STEAP1B: variants seen among roughly 807,000 people sequenced by gnomAD.
STEAP1B encodes STEAP family member 1B.
Under a neutral mutation model 27.9 loss-of-function variants are expected in STEAP1B, and 13 were observed. The observed-to-expected ratio is 0.47, with a 90% CI of 0.30 to 0.74. STEAP1B has a LOEUF of 0.74. STEAP1B is among the 30% of genes least tolerant of loss of function. The pLI is 0.06. For synonymous variants in STEAP1B, 86 were observed against 107.1 expected (o/e 0.80, Z 1.22); for missense variants, 250 against 298.7 (o/e 0.84, Z 1.20).
intron 1 of STEAP1B, among the ~76,000 whole-genome samples, chr7:22,498,905 G>T (rs987141824): frequency 2.6e-5 from 4 of 152,188 alleles, no homozygotes; most frequent in African/African-American, 9.7e-5. Context: ...CGAAGCCAAG[G>T]AAAAGCCCAT....
chr7:22,454,865 A>AT lies in STEAP1B; in HGVS notation c.763-35030dup, dbSNP rs367804282. 4.2e-4 allele frequency among the ~76,000 whole-genome samples: 53 copies of AT among 126,150 alleles called. 1 individual carries two copies. The highest frequency in any genetic ancestry group is 1.5e-3 in the African/African-American group (47 of 31,132). 82.8% of individuals were successfully genotyped at this position (126,150 alleles called of 152,430 possible). A position where few individuals can be genotyped will look rare whatever the true frequency, so the allele number is the denominator to read the frequency against. The stretch of plus-strand genomic sequence containing the variant: ...TATATATATGTATATATATATATAT[A>AT]TTTTTTTTTTTTTTTGAGACAGAGT... On this transcript the variant is annotated intron_variant, in intron 4 of 4. Coordinates refer to ENST00000678116, the MANE Select transcript of STEAP1B (RefSeq NM_001382447.1).
chr7:22,456,002 C>A (rs1785572771), intron 4 of STEAP1B, among the ~76,000 whole-genome samples: 2 of 152,142 alleles, frequency 1.3e-5, no homozygotes, highest in Non-Finnish European at 2.9e-5. Context: ...CAAAAATTAG[C>A]TGGGCCTGGT....
At chr7:22,436,499 T>C (rs946615961) in intron 4 of STEAP1B, among the ~76,000 whole-genome samples, 1 of 152,158 alleles carries the variant, frequency 6.6e-6, no homozygotes, top group African/African-American at 2.4e-5. Context: ...ATCACCCAGG[T>C]ATTAAGCCTA....
chr7:22,449,153 T>C (rs1408333101), intron 4 of STEAP1B, among the ~76,000 whole-genome samples: 2 of 152,344 alleles, frequency 1.3e-5, no homozygotes, highest in East Asian at 3.9e-4. Context: ...CCGATTACAC[T>C]CTTTCAGATT....
Position 22,479,679 on chromosome 7 carries a change from CTT to C in STEAP1B, c.762+12884_762+12885del, listed in dbSNP as rs569050091. On this transcript the variant is annotated intron_variant, in intron 4 of 4. Transcript: ENST00000678116. ...GACAGTAGCCACTAGTCATGTGTGG[CTT>C]TTTTTTTTTTTTTTTTTTTCTGAGA... is the stretch of plus-strand genomic sequence containing the variant. 4.1e-3 allele frequency among the ~76,000 whole-genome samples: 380 copies of C among 92,108 alleles called. 2 individuals carry two copies. The highest frequency in any genetic ancestry group is 0.017 in the African/African-American group (361 of 21,310). 60.4% of individuals were successfully genotyped at this position (92,108 alleles called of 152,430 possible).
intron 4 of STEAP1B, among the ~76,000 whole-genome samples, chr7:22,477,775 C>T (rs1299749123): frequency 6.6e-6 from 1 of 151,872 alleles, no homozygotes; most frequent in African/African-American, 2.4e-5. Flanking sequence ...GTGTCACATG[C>T]AAATAGGGAA....
chr7:22,443,647 C>G (rs11762365), intron 4 of STEAP1B, among the ~76,000 whole-genome samples: 1,871 of 152,308 alleles, frequency 0.012, 35 homozygotes, highest in Non-Finnish European at 0.014. Flanking sequence ...GCACACTGTA[C>G]ATAGTCAGTT....
At chr7:22,454,846 T>C (rs1207046013) in intron 4 of STEAP1B, among the ~76,000 whole-genome samples, 1 of 83,176 alleles carries the variant, frequency 1.2e-5, no homozygotes, top group Admixed American at 1.3e-4. Flanking sequence ...TATATATATA[T>C]ATGTATATAT....
chr7:22,485,340 G>A (rs1786183726), intron 4 of STEAP1B, among the ~76,000 whole-genome samples: 1 of 152,196 alleles, frequency 6.6e-6, no homozygotes, highest in Non-Finnish European at 1.5e-5. Context: ...CAACATTGAA[G>A]CAAGACCTCC....
At chr7:22,428,462 TAAGAG>T (rs1785136999) in intron 4 of STEAP1B, among the ~76,000 whole-genome samples, 1 of 151,760 alleles carries the variant, frequency 6.6e-6, no homozygotes. Context: ...TACAAGCTCT[TAAGAG>T]AAGAAAAAGG....
chr7:22,467,805 C>A (rs575158615), intron 4 of STEAP1B, among the ~76,000 whole-genome samples: 5 of 152,168 alleles, frequency 3.3e-5, no homozygotes, highest in Non-Finnish European at 5.9e-5. Flanking sequence ...GTGTCTTTAT[C>A]AGCATTGTGA....
chr7:22,456,972 A>ATTTTTTTTTTTTTTTTTTTT (rs3064738), intron 4 of STEAP1B, among the ~76,000 whole-genome samples: 2 of 57,060 alleles, frequency 3.5e-5, no homozygotes, highest in South Asian at 1.0e-3. Context: ...ATATATATAT[A>ATTTTTTTTTTTTTTTTTTTT]TTTTTTTTTT....
At chr7:22,447,385 A>C (rs1785424363) in intron 4 of STEAP1B, among the ~76,000 whole-genome samples, 4 of 152,202 alleles carry the variant, frequency 2.6e-5, no homozygotes, top group Admixed American at 2.6e-4. Context: ...AGTTGGTTGG[A>C]AGATCAGTCA....
At chr7:22,475,960 A>G (rs1052744442) in intron 4 of STEAP1B, among the ~76,000 whole-genome samples, 1 of 152,134 alleles carries the variant, frequency 6.6e-6, no homozygotes, top group African/African-American at 2.4e-5. Flanking sequence ...CACTGTATGT[A>G]AGCCCTCGGT....
intron 4 of STEAP1B, among the ~76,000 whole-genome samples, chr7:22,464,787 C>T (rs1268247233): frequency 2.6e-5 from 4 of 151,014 alleles, no homozygotes; most frequent in African/African-American, 9.7e-5. Flanking sequence ...CTTGAAACTC[C>T]AGCCTCCAGA....
chr7:22,431,314 G>A (rs1238738635), intron 4 of STEAP1B, among the ~76,000 whole-genome samples: 1 of 152,036 alleles, frequency 6.6e-6, no homozygotes, highest in African/African-American at 2.4e-5. Context: ...GGGACTGCTT[G>A]TTTCCTCAAT....
chr7:22,450,027 T>C (rs923603341), intron 4 of STEAP1B, among the ~76,000 whole-genome samples: 1 of 152,232 alleles, frequency 6.6e-6, no homozygotes, highest in Non-Finnish European at 1.5e-5. Context: ...GCTCCTTTTA[T>C]ATTCTGATAT....
intron 4 of STEAP1B, among the ~76,000 whole-genome samples, chr7:22,459,106 G>C (rs3114729): frequency 1.8e-4 from 27 of 152,142 alleles, no homozygotes; most frequent in African/African-American, 4.8e-4. Context: ...CCCATGGAGG[G>C]TGGGGACTCC....
chr7:22,496,401 T>C (rs1463993878), intron 1 of STEAP1B, among the ~76,000 whole-genome samples: 1 of 152,162 alleles, frequency 6.6e-6, no homozygotes, highest in Non-Finnish European at 1.5e-5. Flanking sequence ...GTAGCCTTAG[T>C]GTACAGCGTT....
Sources: allele counts gnomAD v4.1 joint callset (sites outside exome capture counted in the v4.1 genomes callset), GRCh38; gene constraint gnomAD v4.1.1; transcripts MANE v1.5; gene names NCBI Gene and HGNC (gene_info 2026-07-23, HGNC 2026-07-21).